Variants in GRID1 observed in about 807,000 individuals in gnomAD.
The protein encoded by GRID1 is glutamate ionotropic receptor delta type subunit 1.
A neutral mutation model predicts 98.0 loss-of-function variants in GRID1; 28 were observed. The observed-to-expected ratio is 0.29, with a 90% CI of 0.21 to 0.39. The LOEUF (loss-of-function observed/expected upper bound fraction) is 0.39. GRID1 is among the 10% of genes least tolerant of loss of function. The probability of loss-of-function intolerance (pLI) is 1.00; values close to 1 mark genes in which losing one functional copy is unlikely to be tolerated. For synonymous variants in GRID1, 553 were observed against 538.5 expected, an observed-to-expected ratio of 1.03 and a Z score of -0.37; for missense variants, 1,111 against 1,340.5, an observed-to-expected ratio of 0.83 and a Z score of 2.67.
intron 4 of GRID1, among the ~76,000 whole-genome samples, chr10:85,992,252 A>G (rs2062614423): frequency 6.6e-6 from 1 of 152,178 alleles, no homozygotes; most frequent in Admixed American, 6.5e-5. Context: ...TGTGAGGAGC[A>G]ATACCAAGGA....
chr10:86,161,526 G>C (rs1845323613), intron 3 of GRID1, among the ~76,000 whole-genome samples: 1 of 152,160 alleles, frequency 6.6e-6, no homozygotes, highest in Non-Finnish European at 1.5e-5. Context: ...TGAGAACAGT[G>C]AGGCTCAGTG....
At chr10:86,296,832 T>A (rs901407685) in intron 2 of GRID1, among the ~76,000 whole-genome samples, 4 of 142,694 alleles carry the variant, frequency 2.8e-5, no homozygotes, top group Non-Finnish European at 6.2e-5. Context: ...CATACATACA[T>A]AAAAATGATT....
At chr10:86,120,831 G>A (rs540275715) in intron 4 of GRID1, among the ~76,000 whole-genome samples, 4 of 152,246 alleles carry the variant, frequency 2.6e-5, no homozygotes, top group Non-Finnish European at 5.9e-5. Flanking sequence ...TGCCTTTGTC[G>A]TGGGGGGAGT....
chr10:85,642,504 T>C (rs1307436599), intron 13 of GRID1, among the ~76,000 whole-genome samples: 1 of 152,226 alleles, frequency 6.6e-6, no homozygotes, highest in Non-Finnish European at 1.5e-5. Context: ...TGCTAACTGA[T>C]GACAGGAATC....
intron 4 of GRID1, among the ~76,000 whole-genome samples, chr10:86,137,590 C>T (rs1342143131): frequency 1.3e-5 from 2 of 152,236 alleles, no homozygotes; most frequent in African/African-American, 4.8e-5. Context: ...TTTGCAAACA[C>T]ACAGCTGGGT....
chr10:85,706,516 C>G (rs979748486), intron 12 of GRID1, among the ~76,000 whole-genome samples: 7 of 152,064 alleles, frequency 4.6e-5, no homozygotes, highest in African/African-American at 1.7e-4. Flanking sequence ...GAATCAATAT[C>G]GTGAAAATGG....
intron 12 of GRID1, among the ~76,000 whole-genome samples, chr10:85,682,375 T>A (rs556303644): frequency 6.6e-6 from 1 of 152,356 alleles, no homozygotes; most frequent in Admixed American, 6.5e-5. Flanking sequence ...TTATGGTCTA[T>A]GATTAGTAGA....
chr10:85,670,558 T>C (rs192464239), intron 12 of GRID1, among the ~76,000 whole-genome samples: 130 of 152,294 alleles, frequency 8.5e-4, no homozygotes, highest in Non-Finnish European at 2.2e-4. Flanking sequence ...ACAGTCTCTT[T>C]TGTCTATAAA....
intron 8 of GRID1, among the ~76,000 whole-genome samples, chr10:85,755,088 C>G (rs952470911): frequency 1.3e-5 from 2 of 152,148 alleles, no homozygotes; most frequent in Admixed American, 6.5e-5. Flanking sequence ...TAGTTCCCCC[C>G]ACTATTCCTT....
chr10:86,091,331 G>T (rs187860291), intron 4 of GRID1, among the ~76,000 whole-genome samples: 1 of 152,012 alleles, frequency 6.6e-6, no homozygotes, highest in African/African-American at 2.4e-5. Context: ...TTCAGTTTGC[G>T]TGGGAGTTGG....
intron 8 of GRID1, among the ~76,000 whole-genome samples, chr10:85,746,413 T>C (rs1453678797): frequency 6.6e-6 from 1 of 152,190 alleles, no homozygotes. Flanking sequence ...GAAAGTGACC[T>C]TGTCGCTTCC....
rs140320314 is a variant in GRID1 at position 86,043,075 on chromosome 10, C to A, written c.726+95744G>T. ...CTGCAATCCAGCCTGGGTGACAGAG[C>A]AAGACTGAGTTTCCAAAAAAAAAGA... is the stretch of plus-strand genomic sequence containing the variant. On this transcript the variant is annotated intron_variant, in intron 4 of 15. Transcript: ENST00000327946. Among the ~76,000 whole-genome samples the A allele has an allele frequency of 4.4e-3, 669 of 152,074 alleles. 6 individuals are homozygous for A. The highest frequency in any genetic ancestry group is 0.015 in the African/African-American group (614 of 41,476).
chr10:86,103,427 T>G (rs1844328965), intron 4 of GRID1, among the ~76,000 whole-genome samples: 1 of 152,184 alleles, frequency 6.6e-6, no homozygotes, highest in Admixed American at 6.5e-5. Flanking sequence ...TGCCACCCTC[T>G]CAGCCTCAGC....
Position 85,602,040 on chromosome 10 carries a change from C to T in GRID1, c.*233G>A. 2.3e-6 allele frequency: 1 copy of T among 437,582 alleles called. No individual in the cohort carries two copies. The highest frequency in any genetic ancestry group is 4.0e-6 in the Non-Finnish European group (1 of 248,596). 27.1% of individuals were successfully genotyped at this position (437,582 alleles called of 1,614,324 possible). A position where few individuals can be genotyped will look rare whatever the true frequency, so the allele number is the denominator to read the frequency against. On this transcript the variant is annotated 3_prime_UTR_variant, in exon 16 of 16. Coordinates refer to ENST00000327946, the MANE Select transcript of GRID1 (RefSeq NM_017551.3). ...TCATATAGAACAAAATTTACAAAGT[C>T]ATTCATACAGTTTTTGTGTTTTTTT...
intron 4 of GRID1, among the ~76,000 whole-genome samples, chr10:85,986,543 C>T (rs999369981): frequency 6.6e-6 from 1 of 152,164 alleles, no homozygotes; most frequent in Non-Finnish European, 1.5e-5. Context: ...CCTGCATCAT[C>T]GCCAGACCCC....
At chr10:86,171,178 G>C (rs1170625684) in intron 3 of GRID1, among the ~76,000 whole-genome samples, 1 of 152,244 alleles carries the variant, frequency 6.6e-6, no homozygotes, top group Admixed American at 6.5e-5. Flanking sequence ...ACTATGAAAA[G>C]CATGCTTTGG....
At chr10:86,025,460 C>G (rs1352678926) in intron 4 of GRID1, among the ~76,000 whole-genome samples, 1 of 152,172 alleles carries the variant, frequency 6.6e-6, no homozygotes, top group East Asian at 1.9e-4. Context: ...ATTGGCTTCC[C>G]CCTTGTAGCT....
intron 2 of GRID1, among the ~76,000 whole-genome samples, chr10:86,315,696 C>G (rs11201978): frequency 1.3e-5 from 2 of 151,772 alleles, no homozygotes; most frequent in African/African-American, 4.8e-5. Flanking sequence ...CATTCATATG[C>G]CCCCATATTT....
chr10:85,686,781 TTTTAA>T (rs1227678109), intron 12 of GRID1, among the ~76,000 whole-genome samples: 2 of 152,084 alleles, frequency 1.3e-5, no homozygotes, highest in Non-Finnish European at 2.9e-5. Context: ...GTTATATTAC[TTTTAA>T]TTTTTTTCAC....
Sources: gnomAD v4.1 joint callset for allele counts (sites outside exome capture counted in the v4.1 genomes callset) on GRCh38, gnomAD v4.1.1 for gene constraint, MANE v1.5 for transcripts, NCBI Gene and HGNC (gene_info 2026-07-23, HGNC 2026-07-21) for gene names.